Variants in UNC80 observed in about 807,000 individuals in gnomAD.
UNC80 encodes protein unc-80 homolog.
UNC80 carries 164 observed loss-of-function variants against 384.6 expected under a neutral mutation model. That is an observed-to-expected ratio of 0.43 (90% CI 0.38 to 0.49). UNC80 has a LOEUF of 0.49. UNC80 is among the 20% of genes least tolerant of loss of function. The probability of loss-of-function intolerance (pLI) is 0.00; values close to 1 mark genes in which losing one functional copy is unlikely to be tolerated. For synonymous variants in UNC80, 1,486 were observed against 1,527.8 expected, an observed-to-expected ratio of 0.97 and a Z score of 0.64; for missense variants, 3,330 against 4,143.0, an observed-to-expected ratio of 0.80 and a Z score of 5.39.
chr2:209,848,902 A>G (rs1208534153), intron 21 of UNC80, among the ~76,000 whole-genome samples: 3 of 152,244 alleles, frequency 2.0e-5, no homozygotes, highest in Non-Finnish European at 2.9e-5. Flanking sequence ...TATGAATGCA[A>G]ATTGTTAGAG....
intron 64 of UNC80, 113 bp from the exon 65 acceptor site, chr2:209,995,216 G>A: frequency 7.4e-7 from 1 of 1,360,154 alleles, no homozygotes; most frequent in Non-Finnish European, 1.0e-6. Flanking sequence ...GGCTGGAACT[G>A]GGACTAGCCA....
At chr2:209,963,286 C>A (rs2092651003) in intron 51 of UNC80, among the ~76,000 whole-genome samples, 1 of 152,076 alleles carries the variant, frequency 6.6e-6, no homozygotes, top group South Asian at 2.1e-4. Context: ...TTTCTCTTTT[C>A]CTCTCTCCCT....
At chr2:209,934,085 C>A in intron 39 of UNC80, 80 bp downstream of exon 39, 2 of 1,337,356 alleles carry the variant, frequency 1.5e-6, no homozygotes, top group Non-Finnish European at 2.0e-6. Context: ...GAGTCTCTTT[C>A]ATTCATGAGA....
intron 31 of UNC80, 141 bp from the exon 32 acceptor site, chr2:209,917,636 G>A: frequency 1.1e-6 from 1 of 952,016 alleles, no homozygotes; most frequent in Non-Finnish European, 1.5e-6. Flanking sequence ...AAGAAGGTTT[G>A]CTTTTGCCAG....
chr2:209,896,713 A>G (rs1413493058), intron 28 of UNC80, among the ~76,000 whole-genome samples: 3 of 152,170 alleles, frequency 2.0e-5, no homozygotes, highest in Non-Finnish European at 2.9e-5. Context: ...TGAGTGACAC[A>G]GCGTAGGTAT....
intron 51 of UNC80, among the ~76,000 whole-genome samples, chr2:209,961,934 G>GT (rs2092604221): frequency 6.6e-6 from 1 of 152,102 alleles, no homozygotes; most frequent in Non-Finnish European, 1.5e-5. Context: ...CTCCATTTTT[G>GT]TTTAAGTTTA....
Position 209,922,303 on chromosome 2 carries a change from G to A in UNC80, c.5582G>A (p.Cys1861Tyr). Reference protein sequence around the residue: ...ASRRLSVSPSCTSSTSHRNYS... With the variant: ...ASRRLSVSPSYTSSTSHRNYS... ...CGTCGACTGTCTGTGAGTCCATCCT[G>A]CACCTCCAGCACTTCCCACAGGAAT... The change falls in exon 35 of 65, where the codon TGC (cysteine) becomes TAC (tyrosine). Residue 1861 changes from cysteine to tyrosine, a missense_variant. Around this residue, in one of 8 missense-constraint regions of UNC80, gnomAD observed 1,049 missense variants for 1,488.6 expected, o/e 0.70. Coordinates refer to ENST00000673920, the MANE Select transcript of UNC80 (RefSeq NM_001371986.1). 6.4e-7 allele frequency: 1 copy of A among 1,552,118 alleles called. No homozygotes were observed. Among genetic ancestry groups the A allele is most frequent in the Non-Finnish European group, 8.7e-7 (1 of 1,147,062 alleles).
Position 209,849,489 on chromosome 2 carries a change from G to C in UNC80, c.3493G>C (p.Asp1165His), listed in dbSNP as rs181768336. 1.9e-6 allele frequency: 3 copies of C among 1,551,000 alleles called. No individual in the cohort carries two copies. In the East Asian group the frequency reaches 7.3e-5, roughly 38 times the overall value. ...TGATGATCATCTCTCTCCCAACCAAGATGGTGGAAAAAGCAAAAACGTGGT... is the reference window on the plus strand; with the variant it reads ...TGATGATCATCTCTCTCCCAACCAACATGGTGGAAAAAGCAAAAACGTGGT... ...SFDDHLSPNQ[D>H]GGKSKNVVNL... The change falls in exon 22 of 65, where the codon GAT becomes CAT. Residue 1165 changes from aspartate to histidine, a missense_variant. Coordinates refer to ENST00000673920, the MANE Select transcript of UNC80 (RefSeq NM_001371986.1).
chr2:209,910,944 T>A (rs1488901635), intron 29 of UNC80, among the ~76,000 whole-genome samples: 3 of 152,134 alleles, frequency 2.0e-5, no homozygotes, highest in Non-Finnish European at 4.4e-5. Flanking sequence ...GAAAGGAACC[T>A]AATAATGGCT....
chr2:209,930,436 A>G (rs574832394), intron 37 of UNC80, among the ~76,000 whole-genome samples: 3 of 152,304 alleles, frequency 2.0e-5, no homozygotes, highest in South Asian at 4.1e-4. Flanking sequence ...GTTCATTTCT[A>G]TGCTATAGTC....
chr2:209,923,568 G>A (rs1441994910), intron 35 of UNC80, among the ~76,000 whole-genome samples: 1 of 152,110 alleles, frequency 6.6e-6, no homozygotes, highest in African/African-American at 2.4e-5. Context: ...CTACTGATCT[G>A]TATGTCAATC....
Position 209,771,899 on chromosome 2 carries a change from A to G in UNC80, c.-174A>G. The G allele has an allele frequency of 2.0e-6, 1 of 491,760 alleles. No homozygotes were observed. 30.5% of individuals were successfully genotyped at this position (491,760 alleles called of 1,614,324 possible). ...TCCCCTCCTCCCGCAGCCATGTTCC[A>G]CGCGCGGGGAGGGGTGGGGGGAGGG... On this transcript the variant is annotated 5_prime_UTR_variant, in exon 1 of 65. Transcript: ENST00000673920.
chr2:209,853,491 T>A (rs1013299957), intron 22 of UNC80, among the ~76,000 whole-genome samples: 4 of 152,170 alleles, frequency 2.6e-5, no homozygotes, highest in Non-Finnish European at 5.9e-5. Context: ...GATAATTGAT[T>A]CAATTTTAAG....
intron 27 of UNC80, among the ~76,000 whole-genome samples, chr2:209,896,033 T>C (rs2086765709): frequency 6.6e-6 from 1 of 152,158 alleles, no homozygotes; most frequent in African/African-American, 2.4e-5. Context: ...ATCTCAGCAA[T>C]TCAAGGACTT....
intron 23 of UNC80, among the ~76,000 whole-genome samples, chr2:209,876,972 A>G (rs1186220073): frequency 1.3e-5 from 2 of 152,198 alleles, no homozygotes; most frequent in Admixed American, 6.5e-5. Flanking sequence ...AGTAGTAAGT[A>G]TATTTTCTTA....
intron 13 of UNC80, among the ~76,000 whole-genome samples, chr2:209,823,152 C>T (rs965157445): frequency 6.6e-6 from 1 of 152,160 alleles, no homozygotes; most frequent in Non-Finnish European, 1.5e-5. Context: ...ATATTTGCCA[C>T]AACTTGTACT....
intron 25 of UNC80, among the ~76,000 whole-genome samples, chr2:209,885,004 T>TTCCC (rs776221860): frequency 1.3e-4 from 19 of 151,926 alleles, no homozygotes; most frequent in Non-Finnish European, 2.6e-4. Context: ...TGGCACACGT[T>TTCCC]TGCCTATGTA....
At chr2:209,983,976 G>A (rs1338426471) in intron 60 of UNC80, among the ~76,000 whole-genome samples, 1 of 152,142 alleles carries the variant, frequency 6.6e-6, no homozygotes, top group African/African-American at 2.4e-5. Context: ...ACTTTTAGGT[G>A]AGCCTCAATT....
chr2:209,913,809 G>A lies in UNC80; in HGVS notation c.4898G>A (p.Ser1633Asn). Residue 1633 changes from serine to asparagine, a missense_variant, in exon 31 of 65, where the codon AGC becomes AAC. By Grantham distance (46) the Ser-to-Asn change is conservative. This residue lies in a region of UNC80 where 801 missense variants were observed against 950.8 expected (regional missense o/e 0.84). Coordinates refer to ENST00000673920, the MANE Select transcript of UNC80 (RefSeq NM_001371986.1). ...MLKYIRLQVM[S>N]LSPAPLSLLI... ...ATTTCCATCTTTTCCCAGGTGATGA[G>A]CTTGTCGCCTGCTCCCTTATCTCTG... 1 of 1,546,502 alleles carries A rather than the reference G, an allele frequency of 6.5e-7. No homozygotes were observed. The highest frequency in any genetic ancestry group is 8.7e-7 in the Non-Finnish European group (1 of 1,143,014).
Sources: allele counts gnomAD v4.1 joint callset (sites outside exome capture counted in the v4.1 genomes callset), GRCh38; gene constraint gnomAD v4.1.1; regional missense constraint gnomAD v4.1.1; transcripts MANE v1.5; gene names NCBI Gene and HGNC (gene_info 2026-07-23, HGNC 2026-07-21).